Variants in TMEM132C observed in about 807,000 individuals in gnomAD.
TMEM132C encodes protein phosphatase 1, regulatory subunit 152.
TMEM132C carries 29 observed loss-of-function variants against 61.4 expected under a neutral mutation model. That is an observed-to-expected ratio of 0.47 (90% CI 0.35 to 0.64). The LOEUF is 0.64. Ranked by LOEUF, TMEM132C falls within the 30% of genes least tolerant of loss-of-function variation. The pLI is 0.00. For synonymous variants in TMEM132C, 656 were observed against 633.1 expected, an observed-to-expected ratio of 1.04 and a Z score of -0.54; for missense variants, 1,408 against 1,476.9, an observed-to-expected ratio of 0.95 and a Z score of 0.76.
intron 1 of TMEM132C, among the ~76,000 whole-genome samples, chr12:128,280,581 A>G (rs922075622): frequency 1.3e-5 from 2 of 152,222 alleles, no homozygotes; most frequent in Non-Finnish European, 2.9e-5. Context: ...TAATGAGTAT[A>G]AGGTATCTTT....
chr12:128,695,479 G>T (rs1000306077), intron 6 of TMEM132C, among the ~76,000 whole-genome samples: 5 of 152,058 alleles, frequency 3.3e-5, no homozygotes, highest in Non-Finnish European at 7.4e-5. Context: ...AGCTAGGATG[G>T]ACCACTGCAC....
At chr12:128,629,399 A>C (rs1467391119) in intron 4 of TMEM132C, among the ~76,000 whole-genome samples, 1 of 152,072 alleles carries the variant, frequency 6.6e-6, no homozygotes. Context: ...TGAGCCTGGG[A>C]GGTTGAGGCT....
chr12:128,621,119 G>T (rs976205068), intron 4 of TMEM132C, among the ~76,000 whole-genome samples: 1 of 152,026 alleles, frequency 6.6e-6, no homozygotes, highest in African/African-American at 2.4e-5. Context: ...GGCCCTGGGG[G>T]CTGGCCCATG....
At chr12:128,588,562 C>A (rs1050372691) in intron 3 of TMEM132C, among the ~76,000 whole-genome samples, 2 of 151,720 alleles carry the variant, frequency 1.3e-5, no homozygotes, top group Admixed American at 1.3e-4. Flanking sequence ...CCAAGCCTTG[C>A]CTCAGTGCTA....
intron 3 of TMEM132C, among the ~76,000 whole-genome samples, chr12:128,606,263 A>G (rs1220119274): frequency 1.3e-5 from 2 of 152,236 alleles, no homozygotes; most frequent in African/African-American, 4.8e-5. Flanking sequence ...TGCATCCTGC[A>G]TGGAAAATAA....
At chr12:128,355,862 G>C (rs1873486880) in intron 1 of TMEM132C, among the ~76,000 whole-genome samples, 1 of 152,018 alleles carries the variant, frequency 6.6e-6, no homozygotes, top group Non-Finnish European at 1.5e-5. Context: ...CTTAGTGAGG[G>C]TGTCCCTGGG....
Position 128,705,943 on chromosome 12 carries a change from A to G in TMEM132C, c.2975A>G (p.Asp992Gly). The G allele has an allele frequency of 1.3e-6, 2 of 1,551,478 alleles. No homozygotes were observed. The highest frequency in any genetic ancestry group is 2.4e-5 in the South Asian group (2 of 84,054). The change falls in exon 9 of 9, where the codon GAC becomes GGC. Residue 992 changes from aspartate (D) to glycine (G), a missense_variant. Physicochemically the swap from Asp to Gly is moderately conservative, Grantham distance 94. Coordinates refer to ENST00000435159, the MANE Select transcript of TMEM132C (RefSeq NM_001136103.3). Reference sequence around the variant, plus strand: ...ATGGGGGATGCGCCGCCGCCCCAGGACGAGCACACCACCATCATAGACCGC... The same window carrying G: ...ATGGGGGATGCGCCGCCGCCCCAGGGCGAGCACACCACCATCATAGACCGC... Reference protein sequence around the residue: ...ESMGDAPPPQDEHTTIIDRGP... With the variant: ...ESMGDAPPPQGEHTTIIDRGP...
At chr12:128,501,063 C>T (rs868700318) in intron 2 of TMEM132C, among the ~76,000 whole-genome samples, 2 of 152,172 alleles carry the variant, frequency 1.3e-5, no homozygotes, top group South Asian at 2.1e-4. Context: ...AAACATGCTA[C>T]GTGCAATAAG....
intron 3 of TMEM132C, among the ~76,000 whole-genome samples, chr12:128,567,989 C>T (rs758488713): frequency 1.2e-4 from 18 of 152,142 alleles, no homozygotes; most frequent in Admixed American, 1.0e-3. Flanking sequence ...AGTTACATGA[C>T]GCAGGAGCCA....
At chr12:128,689,174 T>G (rs1414227058) in intron 5 of TMEM132C, among the ~76,000 whole-genome samples, 1 of 152,100 alleles carries the variant, frequency 6.6e-6, no homozygotes, top group African/African-American at 2.4e-5. Context: ...CAGATTATAA[T>G]TGTATATATT....
intron 1 of TMEM132C, among the ~76,000 whole-genome samples, chr12:128,316,927 G>C (rs920469901): frequency 6.6e-6 from 1 of 152,028 alleles, no homozygotes; most frequent in Non-Finnish European, 1.5e-5. Context: ...CCCACCACCC[G>C]CAACTAAAGC....
intron 8 of TMEM132C, among the ~76,000 whole-genome samples, chr12:128,702,214 T>C (rs1450367279): frequency 1.3e-5 from 2 of 152,118 alleles, no homozygotes; most frequent in African/African-American, 2.4e-5. Flanking sequence ...TTTGCTGTTA[T>C]TGAGACAATT....
intron 3 of TMEM132C, among the ~76,000 whole-genome samples, chr12:128,602,852 C>T (rs1876246186): frequency 6.6e-6 from 1 of 152,220 alleles, no homozygotes; most frequent in African/African-American, 2.4e-5. Flanking sequence ...CTACCTCTGC[C>T]ACATGCTGCC....
intron 4 of TMEM132C, among the ~76,000 whole-genome samples, chr12:128,616,730 CT>C (rs1876813936): frequency 6.6e-6 from 1 of 152,176 alleles, no homozygotes; most frequent in Admixed American, 6.5e-5. Context: ...CTCCTCTTTC[CT>C]TAGGATGATG....
At chr12:128,367,783 A>G (rs931448122) in intron 1 of TMEM132C, among the ~76,000 whole-genome samples, 1 of 152,224 alleles carries the variant, frequency 6.6e-6, no homozygotes, top group Non-Finnish European at 1.5e-5. Flanking sequence ...TAGTGATTAC[A>G]TGTTCAAATG....
At chr12:128,611,888 C>A (rs182250915) in intron 3 of TMEM132C, among the ~76,000 whole-genome samples, 1 of 152,168 alleles carries the variant, frequency 6.6e-6, no homozygotes, top group African/African-American at 2.4e-5. Flanking sequence ...ATGAACAGAG[C>A]GGAACCAGCG....
intron 1 of TMEM132C, among the ~76,000 whole-genome samples, chr12:128,295,247 C>A (rs1871369641): frequency 6.6e-6 from 1 of 152,170 alleles, no homozygotes; most frequent in African/African-American, 2.4e-5. Flanking sequence ...TCACAACTCA[C>A]CGCAGCCTCG....
At chr12:128,626,281 C>G (rs1954015162) in intron 4 of TMEM132C, among the ~76,000 whole-genome samples, 1 of 147,788 alleles carries the variant, frequency 6.8e-6, no homozygotes, top group Admixed American at 6.8e-5. Context: ...CGCTCACCAC[C>G]ACGCCCAGCT....
chr12:128,321,097 TAGG>T (rs1402481025), intron 1 of TMEM132C, among the ~76,000 whole-genome samples: 1 of 150,182 alleles, frequency 6.7e-6, no homozygotes, highest in Non-Finnish European at 1.5e-5. Flanking sequence ...CCATGATTTG[TAGG>T]AGGAGCTGAG....
Sources: gnomAD v4.1 joint callset for allele counts (sites outside exome capture counted in the v4.1 genomes callset) on GRCh38, gnomAD v4.1.1 for gene constraint, MANE v1.5 for transcripts, NCBI Gene and HGNC (gene_info 2026-07-23, HGNC 2026-07-21) for gene names.